The following PATJ variants were observed in gnomAD, a reference collection of about 807,000 sequenced individuals.
The protein encoded by PATJ is PATJ crumbs cell polarity complex component.
Under a neutral mutation model 224.9 loss-of-function variants are expected in PATJ, and 190 were observed. The observed-to-expected ratio is 0.84, with a 90% CI of 0.75 to 0.95. PATJ has a LOEUF of 0.95. Among genes scored for constraint, PATJ ranks in the 40% least tolerant of loss-of-function variants. The probability of loss-of-function intolerance (pLI) is 0.00; values close to 1 mark genes in which losing one functional copy is unlikely to be tolerated. For synonymous variants in PATJ, 769 were observed against 820.3 expected (o/e 0.94, Z 1.07); for missense variants, 2,121 against 2,270.3 (o/e 0.93, Z 1.34).
At chr1:61,934,267 C>T (rs1044694258) in intron 27 of PATJ, among the ~76,000 whole-genome samples, 4 of 152,122 alleles carry the variant, frequency 2.6e-5, no homozygotes, top group Admixed American at 6.5e-5. Flanking sequence ...TACAGGCATG[C>T]GCCACCACGC....
intron 27 of PATJ, among the ~76,000 whole-genome samples, chr1:61,929,168 A>T (rs1053668087): frequency 2.0e-5 from 3 of 152,218 alleles, no homozygotes; most frequent in Non-Finnish European, 4.4e-5. Flanking sequence ...GTTCTGATAT[A>T]GATATCATGT....
Position 61,886,819 on chromosome 1 carries a change from C to CAAAAAAAAAAAAAAAA in PATJ, c.3131+2423_3131+2424insAAAAAAAAAAAAAAAA, listed in dbSNP as rs35950461. ...TGGGCAACAGAGCAAGACCCCATCTCAAAAAAAAAAAATTAGCCTGTTGTG... is the reference window on the plus strand; with the variant it reads ...TGGGCAACAGAGCAAGACCCCATCTCAAAAAAAAAAAAAAAAAAAAAAAAAAAATTAGCCTGTTGTG... On this transcript the variant is annotated intron_variant, in intron 22 of 43. Transcript: ENST00000642238. Among the ~76,000 whole-genome samples the CAAAAAAAAAAAAAAAA allele has an allele frequency of 8.8e-3, 769 of 87,410 alleles. 243 individuals carry two copies. Among genetic ancestry groups the CAAAAAAAAAAAAAAAA allele is most frequent in the Non-Finnish European group, 0.015 (568 of 37,322 alleles). 57.3% of individuals were successfully genotyped at this position (87,410 alleles called of 152,430 possible). A position where few individuals can be genotyped will look rare whatever the true frequency, so the allele number is the denominator to read the frequency against.
intron 22 of PATJ, among the ~76,000 whole-genome samples, chr1:61,889,661 A>G (rs775476937): frequency 5.3e-5 from 8 of 152,234 alleles, no homozygotes; most frequent in Non-Finnish European, 7.3e-5. Context: ...ACTTCTGCGC[A>G]GGCAGCATAT....
chr1:61,896,621 G>T (rs1670404759), intron 22 of PATJ, among the ~76,000 whole-genome samples: 1 of 152,072 alleles, frequency 6.6e-6, no homozygotes, highest in Non-Finnish European at 1.5e-5. Context: ...GTTGGAAGGA[G>T]CCAGGGTGGA....
intron 34 of PATJ, among the ~76,000 whole-genome samples, chr1:62,112,524 G>A (rs976494954): frequency 2.0e-5 from 3 of 152,164 alleles, no homozygotes; most frequent in Non-Finnish European, 2.9e-5. Flanking sequence ...AAAAGAAAAA[G>A]CCTTAGACCA....
intron 41 of PATJ, 94 bp downstream of exon 41, chr1:62,129,039 C>A: frequency 1.3e-6 from 1 of 750,818 alleles, no homozygotes; most frequent in South Asian, 1.9e-5. Flanking sequence ...CGCCACCCAG[C>A]AGGGTGCTTG....
intron 17 of PATJ, among the ~76,000 whole-genome samples, chr1:61,844,021 G>T (rs1661528983): frequency 6.6e-6 from 1 of 152,234 alleles, no homozygotes; most frequent in African/African-American, 2.4e-5. Flanking sequence ...GATGAAGTCT[G>T]TCCTCATGGA....
intron 8 of PATJ, 135 bp downstream of exon 8, chr1:61,788,107 C>A (rs201289360): frequency 5.3e-6 from 3 of 561,386 alleles, no homozygotes; most frequent in African/African-American, 2.0e-5. Context: ...AAAAAAAAAA[C>A]TTATTGGGAG....
chr1:61,998,220 T>C (rs539285110), intron 28 of PATJ, among the ~76,000 whole-genome samples: 4 of 150,974 alleles, frequency 2.6e-5, no homozygotes, highest in Admixed American at 6.7e-5. Context: ...ACTGAGATTA[T>C]AGGCATGAGC....
intron 41 of PATJ, among the ~76,000 whole-genome samples, chr1:62,135,387 A>G (rs1452335991): frequency 1.3e-5 from 2 of 151,980 alleles, no homozygotes; most frequent in African/African-American, 4.8e-5. Context: ...ATGGTAATGC[A>G]TACCTGTAAT....
At chr1:62,049,939 C>G (rs564712707) in intron 30 of PATJ, among the ~76,000 whole-genome samples, 23 of 151,900 alleles carry the variant, frequency 1.5e-4, no homozygotes, top group African/African-American at 4.1e-4. Context: ...GCCAACACAG[C>G]AAAACCCCAT....
intron 33 of PATJ, among the ~76,000 whole-genome samples, chr1:62,098,996 T>G (rs1055399559): frequency 6.6e-6 from 1 of 152,206 alleles, no homozygotes; most frequent in African/African-American, 2.4e-5. Context: ...CCCTTTCTTT[T>G]TAAACTCTAT....
At chr1:61,945,178 A>G (rs149277119) in intron 27 of PATJ, among the ~76,000 whole-genome samples, 3,113 of 152,298 alleles carry the variant, frequency 0.02, 75 homozygotes, top group African/African-American at 0.053. Flanking sequence ...CTAACGAGCA[A>G]AATAACCAGC....
At chr1:61,954,377 C>G (rs886466061) in intron 27 of PATJ, among the ~76,000 whole-genome samples, 11 of 151,966 alleles carry the variant, frequency 7.2e-5, no homozygotes, top group African/African-American at 2.7e-4. Flanking sequence ...GAGAATTTAC[C>G]TTTTCTTTTG....
intron 14 of PATJ, among the ~76,000 whole-genome samples, chr1:61,811,174 C>G (rs552412952): frequency 1.4e-4 from 21 of 152,282 alleles, no homozygotes; most frequent in South Asian, 2.1e-4. Context: ...GTACCTGCCT[C>G]ATAGATTTAT....
chr1:62,098,755 T>C (rs1661728231), intron 33 of PATJ, among the ~76,000 whole-genome samples: 1 of 152,188 alleles, frequency 6.6e-6, no homozygotes, highest in Admixed American at 6.5e-5. Context: ...CTACTGCACA[T>C]TTTTTTAAAA....
chr1:62,117,354 A>G (rs1197236193), intron 37 of PATJ, 136 bp downstream of exon 37: 18 of 1,442,984 alleles, frequency 1.2e-5, no homozygotes, highest in Non-Finnish European at 1.6e-5. Flanking sequence ...GTGAACTTTC[A>G]TGTGTTTGAA....
chr1:61,997,982 T>TTTTTTATATATATATATATATATA (rs374175697), intron 28 of PATJ, among the ~76,000 whole-genome samples: 1 of 118,338 alleles, frequency 8.5e-6, no homozygotes, highest in Non-Finnish European at 1.6e-5. Flanking sequence ...TGTGCCCAGC[T>TTTTTTATATATATATATATATATA]TATATATGTA....
chr1:62,017,691 C>G (rs983414982), intron 28 of PATJ, among the ~76,000 whole-genome samples, 165 bp from the exon 29 acceptor site: 1 of 138,502 alleles, frequency 7.2e-6, no homozygotes, highest in African/African-American at 2.7e-5. Context: ...AAGATTGCAC[C>G]ATTGCACTCC....
Sources: gnomAD v4.1 joint callset for allele counts (sites outside exome capture counted in the v4.1 genomes callset) on GRCh38, gnomAD v4.1.1 for gene constraint, MANE v1.5 for transcripts, NCBI Gene and HGNC (gene_info 2026-07-23, HGNC 2026-07-21) for gene names.